PINX1: variants seen among roughly 807,000 people sequenced by gnomAD.
The protein encoded by PINX1 is PIN2/TERF1-interacting telomerase inhibitor 1.
In PINX1, 34 loss-of-function variants were observed where a neutral mutation model predicts 25.4. The observed-to-expected ratio is 1.34, with a 90% CI of 1.02 to 1.78. The LOEUF is 1.78. PINX1 is among the 40% of genes most tolerant of loss of function. The probability of loss-of-function intolerance (pLI) is 0.00; values close to 1 mark genes in which losing one functional copy is unlikely to be tolerated. For missense variants in PINX1, 592 were observed against 404.9 expected, an observed-to-expected ratio of 1.46 and a Z score of -3.97; for synonymous variants, 197 against 147.7, an observed-to-expected ratio of 1.33 and a Z score of -2.42.
intron 6 of PINX1, among the ~76,000 whole-genome samples, chr8:10,770,929 G>A (rs1801202713): frequency 6.6e-6 from 1 of 152,128 alleles, no homozygotes; most frequent in Non-Finnish European, 1.5e-5. Context: ...ATCCTTCAAT[G>A]AACTTTGTTA....
At chr8:10,795,456 G>A (rs1407471711) in intron 6 of PINX1, among the ~76,000 whole-genome samples, 6 of 152,280 alleles carry the variant, frequency 3.9e-5, no homozygotes, top group African/African-American at 7.2e-5. Flanking sequence ...GCTGGAGTGC[G>A]GTGGCGCGAT....
chr8:10,782,836 T>C (rs899560766), intron 6 of PINX1, among the ~76,000 whole-genome samples: 3 of 152,162 alleles, frequency 2.0e-5, no homozygotes, highest in Non-Finnish European at 4.4e-5. Context: ...CGTCAAACAT[T>C]TCAATTCACG....
At chr8:10,795,365 T>G (rs928825722) in intron 6 of PINX1, among the ~76,000 whole-genome samples, 3 of 152,208 alleles carry the variant, frequency 2.0e-5, no homozygotes, top group Non-Finnish European at 4.4e-5. Context: ...CAGCAAAATT[T>G]TTAACAATCA....
intron 6 of PINX1, among the ~76,000 whole-genome samples, chr8:10,797,278 T>G (rs373993087): frequency 6.6e-6 from 1 of 152,146 alleles, no homozygotes; most frequent in Non-Finnish European, 1.5e-5. Flanking sequence ...GGAAACAGTG[T>G]TTCAACCGCA....
chr8:10,806,855 GC>G (rs1802468405), intron 6 of PINX1, among the ~76,000 whole-genome samples: 1 of 152,084 alleles, frequency 6.6e-6, no homozygotes, highest in Admixed American at 6.6e-5. Context: ...CACGTCCATG[GC>G]CCCAGCGAGA....
Position 10,821,130 on chromosome 8 carries a change from C to T in PINX1, c.395-861G>A, listed in dbSNP as rs1360986451. ...CCATGTAAAGGCTTGAGGCTCTGGG[C>T]GAGGGAGGTTCTGGGTCAGACACAG... On this transcript the variant is annotated intron_variant, in intron 5 of 6. Coordinates refer to ENST00000314787, the MANE Select transcript of PINX1 (RefSeq NM_017884.6). Among the ~76,000 whole-genome samples the T allele has an allele frequency of 3.9e-5, 6 of 152,274 alleles. No homozygotes were observed. The South Asian group carries it at 8.3e-4, about 21-fold the overall frequency.
chr8:10,766,406 G>C (rs1376570275), intron 6 of PINX1, among the ~76,000 whole-genome samples: 2 of 152,182 alleles, frequency 1.3e-5, no homozygotes, highest in Non-Finnish European at 2.9e-5. Context: ...ATCTGGATAG[G>C]TTAACCTTCC....
At chr8:10,774,504 C>T (rs1277874655) in intron 6 of PINX1, among the ~76,000 whole-genome samples, 1 of 152,184 alleles carries the variant, frequency 6.6e-6, no homozygotes, top group South Asian at 2.1e-4. Context: ...TGGTCTCGAA[C>T]TCCCGACCTC....
intron 6 of PINX1, among the ~76,000 whole-genome samples, chr8:10,786,884 CACTGTGGACCCCT>C (rs1218771468): frequency 1.3e-5 from 2 of 152,294 alleles, no homozygotes; most frequent in East Asian, 3.9e-4. Flanking sequence ...GATTGCACCC[CACTGTGGACCCCT>C]AATGGGGAGC....
chr8:10,832,492 T>G (rs1035801450), intron 3 of PINX1, among the ~76,000 whole-genome samples: 3 of 152,242 alleles, frequency 2.0e-5, no homozygotes, highest in African/African-American at 4.8e-5. Flanking sequence ...CAACTACATT[T>G]GAAATCAACT....
chr8:10,816,839 T>G (rs1797713341), intron 6 of PINX1, among the ~76,000 whole-genome samples: 1 of 91,628 alleles, frequency 1.1e-5, no homozygotes, highest in Non-Finnish European at 2.3e-5. Flanking sequence ...GGACACAGAT[T>G]TAAAAGCCCA....
intron 6 of PINX1, among the ~76,000 whole-genome samples, chr8:10,788,498 G>C (rs1037437226): frequency 1.3e-5 from 2 of 152,150 alleles, no homozygotes; most frequent in African/African-American, 4.8e-5. Context: ...CCGGGAGGTG[G>C]AGGGTGCAGT....
intron 6 of PINX1, among the ~76,000 whole-genome samples, chr8:10,775,649 A>C (rs10100265): frequency 0.6 from 90,809 of 151,846 alleles, 27,639 homozygotes; most frequent in African/African-American, 0.67. Flanking sequence ...CACTGCTATA[A>C]AATATCAGCT....
intron 6 of PINX1, among the ~76,000 whole-genome samples, chr8:10,787,979 C>G (rs772577689): frequency 2.7e-4 from 41 of 152,264 alleles, no homozygotes; most frequent in South Asian, 1.2e-3. Flanking sequence ...TGAACATTGA[C>G]TGGATTTGAT....
intron 5 of PINX1, among the ~76,000 whole-genome samples, chr8:10,824,167 T>C (rs1403660573): frequency 1.3e-5 from 2 of 152,188 alleles, no homozygotes; most frequent in African/African-American, 2.4e-5. Context: ...CACTTACAAA[T>C]GTATCCACAT....
chr8:10,790,251 G>A (rs918352661), intron 6 of PINX1, among the ~76,000 whole-genome samples: 1 of 152,192 alleles, frequency 6.6e-6, no homozygotes, highest in African/African-American at 2.4e-5. Flanking sequence ...GCAAATGACA[G>A]AAAAAGTGTT....
intron 6 of PINX1, among the ~76,000 whole-genome samples, chr8:10,813,279 C>A (rs1045646457): frequency 6.6e-6 from 1 of 152,066 alleles, no homozygotes; most frequent in Non-Finnish European, 1.5e-5. Context: ...CTCCTATAAA[C>A]CCCTCTTGAA....
intron 6 of PINX1, among the ~76,000 whole-genome samples, chr8:10,810,002 G>A (rs982708590): frequency 1.3e-5 from 2 of 152,208 alleles, no homozygotes; most frequent in African/African-American, 4.8e-5. Context: ...GAAGGAGAAG[G>A]GAGAGCCAGC....
intron 6 of PINX1, among the ~76,000 whole-genome samples, chr8:10,790,519 G>A (rs1316235376): frequency 3.9e-5 from 6 of 152,104 alleles, no homozygotes; most frequent in Admixed American, 1.3e-4. Context: ...CCCAGGAGCC[G>A]TGTCACCATC....
Sources: gnomAD v4.1 joint callset for allele counts (sites outside exome capture counted in the v4.1 genomes callset) on GRCh38, gnomAD v4.1.1 for gene constraint, MANE v1.5 for transcripts, NCBI Gene and HGNC (gene_info 2026-07-23, HGNC 2026-07-21) for gene names.